Variants in COL5A2 observed in about 807,000 individuals in gnomAD.
COL5A2 encodes collagen alpha-2(V) chain.
COL5A2 carries 23 observed loss-of-function variants against 208.2 expected under a neutral mutation model. The ratio of observed to expected loss-of-function variants is 0.11; its 90% CI spans 0.08 to 0.16. The LOEUF (loss-of-function observed/expected upper bound fraction) is 0.16, where lower values mean the gene tolerates loss of function less well. Among genes scored for constraint, COL5A2 ranks in the 10% least tolerant of loss-of-function variants. The pLI, the probability that COL5A2 is intolerant of heterozygous loss-of-function variation, is 1.00. For missense variants in COL5A2, 1,590 were observed against 1,956.4 expected (o/e 0.81, Z 3.53); for synonymous variants, 625 against 628.5 (o/e 0.99, Z 0.08).
In COL5A2 at chr2:189,101,067, C is replaced by T. The variant is rs888872400; in HGVS notation, c.337-928G>A. Among the ~76,000 whole-genome samples, 27 of 152,004 alleles carry T rather than the reference C, an allele frequency of 1.8e-4. 1 individual carries two copies. The highest frequency in any genetic ancestry group is 3.2e-3 in the Middle Eastern group (1 of 316). On this transcript the variant is annotated intron_variant, in intron 3 of 53. Coordinates refer to ENST00000374866, the MANE Select transcript of COL5A2 (RefSeq NM_000393.5). The stretch of plus-strand genomic sequence containing the variant: ...GTCATGGTTGTGTCTTAGTCTACTT[C>T]ACATGCTCAGCATAGCAAATGGAAG...
chr2:189,344,904 G>A, the COL5A2 span, among the ~76,000 whole-genome samples: 3 of 152,316 alleles, frequency 2.0e-5, no homozygotes, highest in Non-Finnish European at 4.4e-5. Context: ...CACAAGCAAT[G>A]TATGCCTGGT....
Position 189,196,761 on chromosome 2 carries a change from C to T in COL5A2, c.-42+28387G>A, listed in dbSNP as rs13392441. ...ACCACAATGAGATACCATCTCATGACAGTCAGAATGGCAATTATTAAAAAG... is the reference window on the plus strand; with the variant it reads ...ACCACAATGAGATACCATCTCATGATAGTCAGAATGGCAATTATTAAAAAG... On this transcript the variant is annotated intron_variant, in intron 1 of 10. Transcript: ENST00000649966. 2.2e-3 allele frequency among the ~76,000 whole-genome samples: 341 copies of T among 152,170 alleles called. 2 individuals carry two copies. Among genetic ancestry groups the T allele is most frequent in the African/African-American group, 7.6e-3 (317 of 41,542 alleles).
intron 1 of COL5A2, among the ~76,000 whole-genome samples, chr2:189,138,275 G>A (rs566897086): frequency 4.6e-5 from 7 of 151,624 alleles, no homozygotes; most frequent in Middle Eastern, 3.2e-3. Context: ...CACCCGGCCC[G>A]GTATATTTTT....
At chr2:189,337,703 A>G in the COL5A2 span, among the ~76,000 whole-genome samples, 9 of 152,284 alleles carry the variant, frequency 5.9e-5, no homozygotes, top group Non-Finnish European at 1.2e-4. Context: ...CTGCTCTAAT[A>G]TATCAAAAAC....
intron 51 of COL5A2, among the ~76,000 whole-genome samples, chr2:189,038,860 T>C (rs1207976426): frequency 6.6e-6 from 1 of 152,090 alleles, no homozygotes; most frequent in African/African-American, 2.4e-5. Flanking sequence ...TGACTAATTT[T>C]CTGTATTTTT....
At chr2:189,367,479 G>A in the COL5A2 span, among the ~76,000 whole-genome samples, 2 of 152,118 alleles carry the variant, frequency 1.3e-5, no homozygotes, top group African/African-American at 4.8e-5. Context: ...CTCCCAGATC[G>A]ACTACACTAC....
At chr2:189,239,494 G>A in the COL5A2 span, among the ~76,000 whole-genome samples, 4 of 151,496 alleles carry the variant, frequency 2.6e-5, no homozygotes, top group South Asian at 4.2e-4. Flanking sequence ...CAGAGAGTGC[G>A]ATCTGAAAAT....
At chr2:189,353,608 T>A in the COL5A2 span, among the ~76,000 whole-genome samples, 1 of 152,196 alleles carries the variant, frequency 6.6e-6, no homozygotes, top group Admixed American at 6.5e-5. Flanking sequence ...TATTGGTGTA[T>A]AGGAATGCTT....
the COL5A2 span, among the ~76,000 whole-genome samples, chr2:189,372,548 ATTGT>A: frequency 6.6e-6 from 1 of 152,138 alleles, no homozygotes; most frequent in Non-Finnish European, 1.5e-5. Context: ...TTCATCTCTC[ATTGT>A]TTATGTTTAA....
At position 189,079,037 on chromosome 2, in the gene COL5A2, T is replaced by G. The variant is rs367762977; in HGVS notation, c.1005+26A>C. The G allele has an allele frequency of 4.4e-6, 7 of 1,594,186 alleles. No individual in the cohort carries two copies. The African/African-American group carries it at 9.4e-5, about 21-fold the overall frequency. ...GCAAGGAAATATAACCTTAGAAATT[T>G]AAGAAACAAGAAAACGAGCACATAC... On this transcript the variant is annotated intron_variant, in intron 15 of 53. Coordinates refer to ENST00000374866, the MANE Select transcript of COL5A2 (RefSeq NM_000393.5).
At chr2:189,187,417 T>G (rs552778700) in intron 1 of COL5A2, among the ~76,000 whole-genome samples, 1 of 152,312 alleles carries the variant, frequency 6.6e-6, no homozygotes, top group African/African-American at 2.4e-5. Context: ...AGAGTTTAAA[T>G]GCTGGCCCCA....
the COL5A2 span, among the ~76,000 whole-genome samples, chr2:189,265,796 A>G: frequency 1.8e-4 from 27 of 152,296 alleles, no homozygotes; most frequent in Middle Eastern, 3.4e-3. Flanking sequence ...AGAAGTGGCT[A>G]GACTCATAAA....
rs752041409 is a variant in COL5A2, at chr2:189,039,548, G to A, written c.3649C>T (p.Pro1217Ser). ...EAGPEGPPGE[P>S]GPPGPPGPPG... ...GGACCCGGAGGGCCAGGTGGGCCAGGCTCACCAGGAGGGCCCTAATTAAAA... is the reference window on the plus strand; with the variant it reads ...GGACCCGGAGGGCCAGGTGGGCCAGACTCACCAGGAGGGCCCTAATTAAAA... The change falls in exon 51 of 54, where the codon CCT becomes TCT. Residue 1217 changes from proline (P) to serine (S), a missense_variant. Physicochemically the swap from Pro to Ser is moderately conservative, Grantham distance 74. Coordinates refer to ENST00000374866, the MANE Select transcript of COL5A2 (RefSeq NM_000393.5). 1.2e-6 allele frequency: 2 copies of A among 1,613,706 alleles called. No homozygotes were observed. Among genetic ancestry groups the A allele is most frequent in the Non-Finnish European group, 1.7e-6 (2 of 1,179,978 alleles).
At chr2:189,413,887 G>A in the COL5A2 span, among the ~76,000 whole-genome samples, 1 of 148,270 alleles carries the variant, frequency 6.7e-6, no homozygotes, top group Non-Finnish European at 1.5e-5. Context: ...CGCATCCCGG[G>A]TTCAAGAGAT....
At chr2:189,142,493 A>G (rs1257795462) in intron 1 of COL5A2, among the ~76,000 whole-genome samples, 1 of 152,142 alleles carries the variant, frequency 6.6e-6, no homozygotes, top group Non-Finnish European at 1.5e-5. Context: ...TAAGCACTCA[A>G]TAAATGGTAG....
the COL5A2 span, among the ~76,000 whole-genome samples, chr2:189,417,776 TC>T: frequency 6.6e-6 from 1 of 152,006 alleles, no homozygotes; most frequent in African/African-American, 2.4e-5. Context: ...AGGATTTCAT[TC>T]TTTTTATGGC....
At chr2:189,249,076 G>T in the COL5A2 span, among the ~76,000 whole-genome samples, 1 of 152,098 alleles carries the variant, frequency 6.6e-6, no homozygotes, top group African/African-American at 2.4e-5. Flanking sequence ...GACCAAAAAA[G>T]ATTTTATTAA....
At chr2:189,338,747 TA>T in the COL5A2 span, among the ~76,000 whole-genome samples, 2 of 149,176 alleles carry the variant, frequency 1.3e-5, no homozygotes, top group African/African-American at 4.9e-5. Context: ...TTTTATATTA[TA>T]AAATAAAATA....
intron 5 of COL5A2, 90 bp downstream of exon 5, chr2:189,098,637 T>C: frequency 9.5e-7 from 1 of 1,050,956 alleles, no homozygotes; most frequent in East Asian, 2.4e-5. Flanking sequence ...TGTTTAATTC[T>C]TTTATCTTCT....
Sources: allele counts gnomAD v4.1 joint callset (sites outside exome capture counted in the v4.1 genomes callset), GRCh38; gene constraint gnomAD v4.1.1; transcripts MANE v1.5; gene names NCBI Gene and HGNC (gene_info 2026-07-23, HGNC 2026-07-21).